The following IRS1 variants were observed in gnomAD, a reference collection of about 807,000 sequenced individuals.
The protein encoded by IRS1 is insulin receptor substrate 1.
In IRS1, 34 loss-of-function variants were observed where a neutral mutation model predicts 65.6. The observed-to-expected ratio is 0.52, with a 90% CI of 0.39 to 0.69. The LOEUF is 0.69. Among genes scored for constraint, IRS1 ranks in the 30% least tolerant of loss-of-function variants. The pLI, the probability that IRS1 is intolerant of heterozygous loss-of-function variation, is 0.00. For missense variants in IRS1, 1,641 were observed against 1,720.2 expected (o/e 0.95, Z 0.81); for synonymous variants, 699 against 683.5 (o/e 1.02, Z -0.35).
rs1429323824 is a variant in IRS1 at position 226,797,340 on chromosome 2, A to G, written c.1399T>C (p.Cys467Arg). 1 of 1,613,174 alleles carries G rather than the reference A, an allele frequency of 6.2e-7. No individual in the cohort carries two copies. Among genetic ancestry groups the G allele is most frequent in the African/African-American group, 1.3e-5 (1 of 74,886 alleles). The stretch of plus-strand genomic sequence containing the variant: ...GTGGAGGGCCCCTTGCCACCCATGC[A>G]GATATAGTTGCTTAGCTCCTCCTCA... Reference protein sequence around the residue: ...RGEEELSNYICMGGKGPSTLT... With the variant: ...RGEEELSNYIRMGGKGPSTLT... The change falls in exon 1 of 2, where the codon TGC becomes CGC. Residue 467 changes from cysteine (C) to arginine (R), a missense_variant. Around this residue, in one of 3 missense-constraint regions of IRS1, gnomAD observed 1,324 missense variants for 1,361.0 expected, o/e 0.97. Transcript: ENST00000305123. The surrounding 1 kb of genome is among the most constrained non-coding windows in gnomAD (Gnocchi z 8.1).
chr2:226,799,014 G>A lies in IRS1; in HGVS notation c.-276C>T, dbSNP rs1217529711. On this transcript the variant is annotated 5_prime_UTR_variant, in exon 1 of 2. Transcript: ENST00000305123. The surrounding 1 kb of genome is among the most constrained non-coding windows in gnomAD (Gnocchi z 6.1). ...GGGGTGAGGGCAGCCCCGATCCTCCGAGAGCCAAGTCTCCTCTCAGCCGCC... is the reference window on the plus strand; with the variant it reads ...GGGGTGAGGGCAGCCCCGATCCTCCAAGAGCCAAGTCTCCTCTCAGCCGCC... 1.4e-6 allele frequency: 2 copies of A among 1,412,734 alleles called. No individual in the cohort carries two copies. The highest frequency in any genetic ancestry group is 9.3e-7 in the Non-Finnish European group (1 of 1,078,686). 87.5% of individuals were successfully genotyped at this position (1,412,734 alleles called of 1,614,324 possible). A position where few individuals can be genotyped will look rare whatever the true frequency, so the allele number is the denominator to read the frequency against.
intron 1 of IRS1, among the ~76,000 whole-genome samples, chr2:226,769,662 C>A (rs1393129703): frequency 6.6e-6 from 1 of 152,152 alleles, no homozygotes; most frequent in African/African-American, 2.4e-5. Flanking sequence ...TTTAACAAAG[C>A]TATTGTTTTA....
Position 226,796,835 on chromosome 2 carries a change from A to T in IRS1, c.1904T>A (p.Met635Lys). The change falls in exon 1 of 2, where the codon ATG becomes AAG. Residue 635 changes from methionine (M) to lysine (K), a missense_variant. By Grantham distance (95) the Met-to-Lys change is moderately conservative (BLOSUM62 -1). This residue lies in a region of IRS1 where 1,324 missense variants were observed against 1,361.0 expected (regional missense o/e 0.97). Coordinates refer to ENST00000305123, the MANE Select transcript of IRS1 (RefSeq NM_005544.3). ...GRKGSGDYMP[M>K]SPKSVSAPQQ... The stretch of plus-strand genomic sequence containing the variant: ...TGGGGCAGATACGCTCTTGGGGCTC[A>T]TGGGCATATAGTCTCCACTGCCCTT... 14 of 1,557,118 alleles carry T rather than the reference A, an allele frequency of 9.0e-6. No individual in the cohort carries two copies. The highest frequency in any genetic ancestry group is 1.2e-5 in the Non-Finnish European group (14 of 1,149,534).
intron 1 of IRS1, among the ~76,000 whole-genome samples, chr2:226,784,417 TTTTTA>T (rs1409763776): frequency 5.3e-5 from 8 of 152,116 alleles, no homozygotes; most frequent in African/African-American, 1.9e-4. Flanking sequence ...AATTTTTTTA[TTTTTA>T]TTTTATTTTT....
In IRS1 at chr2:226,798,930, G is replaced by A. The variant is rs1283590555; in HGVS notation, c.-192C>T. 1 of 1,458,270 alleles carries A rather than the reference G, an allele frequency of 6.9e-7. No individual in the cohort carries two copies. The highest frequency in any genetic ancestry group is 9.0e-7 in the Non-Finnish European group (1 of 1,105,132). 90.3% of individuals were successfully genotyped at this position (1,458,270 alleles called of 1,614,324 possible). On this transcript the variant is annotated 5_prime_UTR_variant, in exon 1 of 2. Transcript: ENST00000305123. This position sits in a 1 kb window ranked among gnomAD's most constrained non-coding sequence, Gnocchi z 9.4. The stretch of plus-strand genomic sequence containing the variant: ...AAGGAGGACGCAGCTGCTGAGCCCA[G>A]GAGAGAGCCCGACCGGAGTTTTCGG...
chr2:226,784,075 G>A (rs1939439574), intron 1 of IRS1, among the ~76,000 whole-genome samples: 1 of 151,850 alleles, frequency 6.6e-6, no homozygotes, highest in Admixed American at 6.6e-5. Flanking sequence ...ACCCTGATGA[G>A]ACAAGCAGAA....
In IRS1 at chr2:226,733,592, A is replaced by G. The variant is rs1574635556; in HGVS notation, c.*2680T>C. The G allele has an allele frequency of 6.6e-6, 1 of 152,172 alleles. No individual in the cohort carries two copies. Among genetic ancestry groups the G allele is most frequent in the South Asian group, 2.1e-4 (1 of 4,832 alleles). 9.4% of individuals were successfully genotyped at this position (152,172 alleles called of 1,614,324 possible). On this transcript the variant is annotated 3_prime_UTR_variant, in exon 2 of 2. Coordinates refer to ENST00000305123, the MANE Select transcript of IRS1 (RefSeq NM_005544.3). ...TGAGAGGTTGGTGTCATCAAGAAAAACCCACTAACTTCTAGGTTAACCAGA... is the reference window on the plus strand; with the variant it reads ...TGAGAGGTTGGTGTCATCAAGAAAAGCCCACTAACTTCTAGGTTAACCAGA...
chr2:226,771,990 C>T (rs1939174966), intron 1 of IRS1, among the ~76,000 whole-genome samples: 1 of 152,128 alleles, frequency 6.6e-6, no homozygotes, highest in Non-Finnish European at 1.5e-5. Flanking sequence ...AAATGCAACC[C>T]AGTTTCCTAG....
At chr2:226,752,522 G>A (rs967702766) in intron 1 of IRS1, among the ~76,000 whole-genome samples, 1 of 152,162 alleles carries the variant, frequency 6.6e-6, no homozygotes, top group Non-Finnish European at 1.5e-5. Flanking sequence ...TAACCCCAAG[G>A]TGCAGCTTTA....
chr2:226,775,132 C>A (rs146097744), intron 1 of IRS1, among the ~76,000 whole-genome samples: 120 of 152,232 alleles, frequency 7.9e-4, no homozygotes, highest in African/African-American at 2.8e-3. Context: ...GGATGGAATG[C>A]AGAATGTGAC....
Position 226,796,336 on chromosome 2 carries a change from A to G in IRS1, c.2403T>C (p.Ala801=), listed in dbSNP as rs1939724011. ...LSTSSGRLLY[A]ATADDSSSST... is the part of the protein sequence containing the mutation. ...AAGAGGAAGAATCATCTGCTGTTGC[A>G]GCATAGAGAAGGCGACCAGAGCTAG... Residue 801 remains alanine, a synonymous_variant, in exon 1 of 2, where the codon GCT becomes GCC. Transcript: ENST00000305123. 1.2e-6 allele frequency: 2 copies of G among 1,613,268 alleles called. No homozygotes were observed. Among genetic ancestry groups the G allele is most frequent in the South Asian group, 1.1e-5 (1 of 91,092 alleles).
In IRS1 at chr2:226,751,405, T is replaced by A. The variant is rs550874043; in HGVS notation, c.*22-15155A>T. Among the ~76,000 whole-genome samples the A allele has an allele frequency of 7.1e-4, 105 of 146,970 alleles. 1 individual carries two copies. In the East Asian group the frequency reaches 0.012, roughly 17 times the overall value. Reference sequence around the variant, plus strand: ...TTCCCGGCATTCTCCTGCCTCAGCCTCCCGAGTAGCTGGGACTACAGGCGC... The same window carrying A: ...TTCCCGGCATTCTCCTGCCTCAGCCACCCGAGTAGCTGGGACTACAGGCGC... On this transcript the variant is annotated intron_variant, in intron 1 of 1. Transcript: ENST00000305123.
intron 1 of IRS1, among the ~76,000 whole-genome samples, chr2:226,791,242 G>A (rs1212324854): frequency 2.0e-5 from 3 of 152,106 alleles, no homozygotes; most frequent in Non-Finnish European, 4.4e-5. Flanking sequence ...TGAGGGGGGC[G>A]GGCAGGAATC....
chr2:226,742,217 G>A lies in IRS1; in HGVS notation c.*22-5967C>T, dbSNP rs1938453387. Among the ~76,000 whole-genome samples, 3 of 152,190 alleles carry A rather than the reference G, an allele frequency of 2.0e-5. No homozygotes were observed. The South Asian group carries it at 6.2e-4, about 32-fold the overall frequency. ...GGGCAAGCTGAAGCTTGGAAAAGGA[G>A]AAAACTAACCAGTGAATTCTCAATT... On this transcript the variant is annotated intron_variant, in intron 1 of 1. Coordinates refer to ENST00000305123, the MANE Select transcript of IRS1 (RefSeq NM_005544.3).
intron 1 of IRS1, among the ~76,000 whole-genome samples, chr2:226,779,322 G>T (rs1447006939): frequency 6.6e-6 from 1 of 152,170 alleles, no homozygotes; most frequent in African/African-American, 2.4e-5. Flanking sequence ...ATATGATTCT[G>T]GTCTACAGAT....
intron 1 of IRS1, among the ~76,000 whole-genome samples, chr2:226,746,526 C>T (rs955202559): frequency 6.6e-6 from 1 of 152,110 alleles, no homozygotes; most frequent in Non-Finnish European, 1.5e-5. Context: ...CTGCTTGCAG[C>T]TCTAAGGTCA....
Position 226,799,714 on chromosome 2 carries a change from G to A in IRS1, c.-976C>T. 1.0e-6 allele frequency: 1 copy of A among 999,796 alleles called. No homozygotes were observed. The highest frequency in any genetic ancestry group is 4.7e-5 in the South Asian group (1 of 21,298). The allele number at this position is 999,796 out of a possible 1,614,324, so 61.9% of individuals were successfully genotyped here. On this transcript the variant is annotated 5_prime_UTR_variant, in exon 1 of 2. Transcript: ENST00000305123. This position sits in a 1 kb window ranked among gnomAD's most constrained non-coding sequence, Gnocchi z 6.1. ...GCCGAGAGCCCCAACCAAAACAAGC[G>A]GCGGCGTCTGGCTCTGCGCGCCGGC...
At chr2:226,783,224 T>G (rs1175971327) in intron 1 of IRS1, among the ~76,000 whole-genome samples, 1 of 152,216 alleles carries the variant, frequency 6.6e-6, no homozygotes, top group East Asian at 1.9e-4. Context: ...CTTAAAAAGA[T>G]GCCATCAAGA....
intron 1 of IRS1, among the ~76,000 whole-genome samples, chr2:226,767,400 T>C (rs1338916448): frequency 6.6e-6 from 1 of 152,112 alleles, no homozygotes; most frequent in African/African-American, 2.4e-5. Flanking sequence ...CAACTCAAAA[T>C]ACAAAAGAAC....
Sources: allele counts gnomAD v4.1 joint callset (sites outside exome capture counted in the v4.1 genomes callset), GRCh38; gene constraint gnomAD v4.1.1; regional missense constraint gnomAD v4.1.1; non-coding constraint Gnocchi (gnomAD v3.1); transcripts MANE v1.5; gene names NCBI Gene and HGNC (gene_info 2026-07-23, HGNC 2026-07-21).